Variants in SLC44A5 observed in about 807,000 individuals in gnomAD.
SLC44A5 encodes the protein solute carrier family 44 member 5, also known as choline transporter-like protein 5.
SLC44A5 carries 57 observed loss-of-function variants against 101.8 expected under a neutral mutation model. That is an observed-to-expected ratio of 0.56 (90% CI 0.45 to 0.70). The LOEUF is 0.70. Ranked by LOEUF, SLC44A5 falls within the 30% of genes least tolerant of loss-of-function variation. The pLI is 0.00. For synonymous variants in SLC44A5, 281 were observed against 290.9 expected (o/e 0.97, Z 0.35); for missense variants, 737 against 853.1 (o/e 0.86, Z 1.70).
At chr1:75,251,149 T>C in intron 7 of SLC44A5, 61 bp downstream of exon 7, 1 of 1,344,568 alleles carries the variant, frequency 7.4e-7, no homozygotes, top group Non-Finnish European at 1.1e-6. Context: ...AATTTCTCAA[T>C]TCTTTTATCC....
At chr1:75,599,749 G>T (rs1335677676) in intron 1 of SLC44A5, among the ~76,000 whole-genome samples, 2 of 152,086 alleles carry the variant, frequency 1.3e-5, no homozygotes, top group Non-Finnish European at 2.9e-5. Flanking sequence ...CATCATGAAG[G>T]CAGAGAAGCA....
the SLC44A5 span, among the ~76,000 whole-genome samples, chr1:75,682,722 A>C: frequency 6.6e-6 from 1 of 150,436 alleles, no homozygotes; most frequent in Non-Finnish European, 1.5e-5. Flanking sequence ...AAAACACCAA[A>C]AGCAATGGCA....
the SLC44A5 span, among the ~76,000 whole-genome samples, chr1:75,635,958 T>G: frequency 5.3e-5 from 8 of 152,194 alleles, no homozygotes; most frequent in African/African-American, 1.9e-4. Context: ...TGTAAATTTG[T>G]TACATTCATA....
rs139105259 is a variant in SLC44A5 at position 75,560,533 on chromosome 1, A to C, written c.-69-19017T>G. Among the ~76,000 whole-genome samples the C allele has an allele frequency of 5.7e-3, 866 of 152,322 alleles. 15 individuals carry two copies. Among genetic ancestry groups the C allele is most frequent in the Admixed American group, 0.035 (533 of 15,282 alleles). On this transcript the variant is annotated intron_variant, in intron 1 of 23. Coordinates refer to ENST00000370859, the MANE Select transcript of SLC44A5 (RefSeq NM_001130058.2). ...TGGTGATAGTTGCACAACTCTGTGA[A>C]TATCATAAAAGAAAAATGAAATTGG...
At chr1:75,682,734 CA>C in the SLC44A5 span, among the ~76,000 whole-genome samples, 4,966 of 151,192 alleles carry the variant, frequency 0.033, 248 homozygotes, top group African/African-American at 0.11. Flanking sequence ...GCAATGGCAA[CA>C]AAAGCCAAAA....
At position 75,300,644 on chromosome 1, in the gene SLC44A5, C is replaced by G; in HGVS notation, c.143G>C (p.Cys48Ser). ...TCCTAAAACAATGTAGCCAATAATACACAGTAGGAAGATCATACAGCACAG... is the reference window on the plus strand; with the variant it reads ...TCCTAAAACAATGTAGCCAATAATAGACAGTAGGAAGATCATACAGCACAG... ...DVLCCMIFLL[C>S]IIGYIVLGLV... Residue 48 changes from cysteine (C) to serine (S), a missense_variant, in exon 5 of 24, where the codon TGT (cysteine) becomes TCT (serine). By Grantham distance (112) the Cys-to-Ser change is moderately radical. Coordinates refer to ENST00000370859, the MANE Select transcript of SLC44A5 (RefSeq NM_001130058.2). 6.2e-7 allele frequency: 1 copy of G among 1,606,342 alleles called. No homozygotes were observed. The highest frequency in any genetic ancestry group is 8.5e-7 in the Non-Finnish European group (1 of 1,176,516).
At chr1:75,277,665 G>T (rs1050026852) in intron 5 of SLC44A5, among the ~76,000 whole-genome samples, 2 of 151,446 alleles carry the variant, frequency 1.3e-5, no homozygotes, top group African/African-American at 2.4e-5. Flanking sequence ...GGAGAGAAAA[G>T]CTTCTACTTG....
At chr1:75,448,459 G>T (rs959979651) in intron 2 of SLC44A5, among the ~76,000 whole-genome samples, 10 of 152,204 alleles carry the variant, frequency 6.6e-5, no homozygotes, top group Non-Finnish European at 1.0e-4. Flanking sequence ...TAGCTAGGTG[G>T]TCACCTGTGC....
At chr1:75,659,712 T>C in the SLC44A5 span, among the ~76,000 whole-genome samples, 2 of 150,288 alleles carry the variant, frequency 1.3e-5, no homozygotes, top group Admixed American at 6.6e-5. Context: ...GGTAGGAGGA[T>C]TGCTTGAGCC....
At chr1:75,658,989 A>T in the SLC44A5 span, among the ~76,000 whole-genome samples, 2 of 152,114 alleles carry the variant, frequency 1.3e-5, no homozygotes, top group Non-Finnish European at 2.9e-5. Context: ...AGAAACTATT[A>T]TAAACATCTA....
In SLC44A5 at chr1:75,238,555, T is replaced by C. The variant is rs757404933; in HGVS notation, c.614A>G (p.Asn205Ser). The C allele has an allele frequency of 1.2e-6, 2 of 1,602,216 alleles. No individual in the cohort carries two copies. The highest frequency in any genetic ancestry group is 2.7e-5 in the African/African-American group (2 of 74,314). Residue 205 changes from asparagine (N) to serine (S), a missense_variant, in exon 10 of 24, where the codon AAT becomes AGT. Around this residue, in one of 3 missense-constraint regions of SLC44A5, gnomAD observed 665 missense variants for 764.4 expected, o/e 0.87. Coordinates refer to ENST00000370859, the MANE Select transcript of SLC44A5 (RefSeq NM_001130058.2). ...TTCTACAACACTTCTTGTCCCTCCA[T>C]TTCCATCTTGAAACATCATCTTACT... is the stretch of plus-strand genomic sequence containing the variant. ...IGSKMMFQDG[N>S]GGTRSVVELG...
chr1:75,476,273 A>C (rs1439631640), intron 2 of SLC44A5, among the ~76,000 whole-genome samples: 1 of 152,190 alleles, frequency 6.6e-6, no homozygotes, highest in Non-Finnish European at 1.5e-5. Context: ...GGGAGCAGCC[A>C]AGATGGTAGC....
chr1:75,422,573 G>A (rs536125217), intron 2 of SLC44A5, among the ~76,000 whole-genome samples: 2 of 152,262 alleles, frequency 1.3e-5, no homozygotes, highest in African/African-American at 2.4e-5. Context: ...CAACAGTAGC[G>A]ATTACAGATG....
chr1:75,309,913 G>A (rs562098997), intron 4 of SLC44A5, among the ~76,000 whole-genome samples: 4 of 152,138 alleles, frequency 2.6e-5, no homozygotes, highest in Admixed American at 6.5e-5. Context: ...AAAGTAGTAC[G>A]AAAATTCTTT....
chr1:75,584,599 T>C (rs1416930545), intron 1 of SLC44A5, among the ~76,000 whole-genome samples: 2 of 152,072 alleles, frequency 1.3e-5, no homozygotes, highest in Non-Finnish European at 2.9e-5. Context: ...TTTTTGTTTG[T>C]TTAGTATTTT....
chr1:75,444,474 A>T (rs1665410120), intron 2 of SLC44A5, among the ~76,000 whole-genome samples: 1 of 79,948 alleles, frequency 1.3e-5, no homozygotes, highest in African/African-American at 4.4e-5. Flanking sequence ...AAAAAGAAAG[A>T]GAAAGAAAGA....
intron 2 of SLC44A5, among the ~76,000 whole-genome samples, chr1:75,466,055 C>CA (rs1464644059): frequency 2.6e-5 from 4 of 152,074 alleles, no homozygotes. Context: ...ATATCCAAAT[C>CA]AGAAAAAGAG....
At chr1:75,549,661 G>A (rs978017904) in intron 1 of SLC44A5, among the ~76,000 whole-genome samples, 1 of 152,018 alleles carries the variant, frequency 6.6e-6, no homozygotes, top group Non-Finnish European at 1.5e-5. Context: ...GATTGTAAAT[G>A]GTACACAGAT....
chr1:75,672,974 C>A, the SLC44A5 span, among the ~76,000 whole-genome samples: 2 of 152,116 alleles, frequency 1.3e-5, no homozygotes, highest in Admixed American at 1.3e-4. Flanking sequence ...CACCATGGGC[C>A]TTGGGTGAGA....
Sources: gnomAD v4.1 joint callset for allele counts (sites outside exome capture counted in the v4.1 genomes callset) on GRCh38, gnomAD v4.1.1 for gene constraint, gnomAD v4.1.1 regional missense constraint, MANE v1.5 for transcripts, NCBI Gene and HGNC (gene_info 2026-07-23, HGNC 2026-07-21) for gene names.